NECAB3: variants seen among roughly 807,000 people sequenced by gnomAD.
The protein encoded by NECAB3 is N-terminal EF-hand calcium-binding protein 3.
In NECAB3, 38 loss-of-function variants were observed where a neutral mutation model predicts 57.2. The observed-to-expected ratio is 0.66, with a 90% CI of 0.51 to 0.87. NECAB3 has a LOEUF of 0.87. Among genes scored for constraint, NECAB3 ranks in the 40% least tolerant of loss-of-function variants. NECAB3 has a pLI of 0.00. For missense variants in NECAB3, 474 were observed against 527.5 expected, an observed-to-expected ratio of 0.90 and a Z score of 0.99; for synonymous variants, 223 against 222.6, an observed-to-expected ratio of 1.00 and a Z score of -0.02.
chr20:33,663,725 C>G (rs1320561787), intron 5 of NECAB3: 1 of 1,534,488 alleles, frequency 6.5e-7, no homozygotes, highest in Admixed American at 2.0e-5. Flanking sequence ...GCGCGGCGGC[C>G]GGAAGAGGGC....
chr20:33,673,701 G>A (rs1467040887), intron 1 of NECAB3, among the ~76,000 whole-genome samples: 1 of 152,126 alleles, frequency 6.6e-6, no homozygotes, highest in African/African-American at 2.4e-5. Flanking sequence ...CGAGCACAGC[G>A]GTGAACGGTG....
upstream of NECAB3, among the ~76,000 whole-genome samples, chr20:33,675,006 GC>G (rs1263876582): frequency 6.6e-6 from 1 of 151,824 alleles, no homozygotes; most frequent in Non-Finnish European, 1.5e-5. Flanking sequence ...TGACTCCTTG[GC>G]CCCTGAATAA....
chr20:33,663,574 CTGGCCAACGCTGGGCAACGGATTGA>C, intron 5 of NECAB3: 1 of 1,611,484 alleles, frequency 6.2e-7, no homozygotes, highest in Middle Eastern at 1.7e-4. Flanking sequence ...GCGGCAGCCG[CTGGCCAACGCTGGGCAACGGATTGA>C]CTACGCGTCC....
chr20:33,658,783 C>T lies in NECAB3; in HGVS notation c.931G>A (p.Asp311Asn), dbSNP rs1274097248. 19 of 1,613,416 alleles carry T rather than the reference C, an allele frequency of 1.2e-5. No individual in the cohort carries two copies. Among genetic ancestry groups the T allele is most frequent in the Non-Finnish European group, 1.4e-5 (17 of 1,179,990 alleles). Residue 311 changes from aspartate (D) to asparagine (N), a missense_variant, in exon 9 of 12, where the codon GAC becomes AAC. Transcript: ENST00000246190. ...TAGCAGCGCAGGGCTCGGTGGAAGT[C>T]CTGCAGGCCTTCCTCTGCCACCTGG... ...QVQVAEEGLQ[D>N]FHRALRCYVD...
intron 5 of NECAB3, chr20:33,667,925 T>TGGCCTTCCG: frequency 6.4e-7 from 1 of 1,563,138 alleles, no homozygotes; most frequent in Non-Finnish European, 8.7e-7. Context: ...CTGCCCGCGC[T>TGGCCTTCCG]GGCCTTCCGG....
rs945678432 is a variant in NECAB3 at position 33,663,971 on chromosome 20, G to C, written c.388-3576C>G. The C allele has an allele frequency of 1.3e-5, 13 of 1,039,232 alleles. No homozygotes were observed. In the African/African-American group the frequency reaches 2.2e-4, roughly 18 times the overall value. The allele number at this position is 1,039,232 out of a possible 1,614,324, so 64.4% of individuals were successfully genotyped here. A position where few individuals can be genotyped will look rare whatever the true frequency, so the allele number is the denominator to read the frequency against. On this transcript the variant is annotated intron_variant, in intron 5 of 11. Transcript: ENST00000246190. ...GCGGAGTCGGGGTGGGCAAAGCTCA[G>C]CCTAGGAGCCGCAGAGGGGTGAACG...
chr20:33,663,948 G>C, intron 5 of NECAB3: 1 of 1,268,062 alleles, frequency 7.9e-7, no homozygotes, highest in Non-Finnish European at 1.0e-6. Flanking sequence ...GTCTGGGCGC[G>C]GAGTCGGGGT....
upstream of NECAB3, chr20:33,675,280 A>G (rs189265155): frequency 1.3e-5 from 2 of 153,330 alleles, no homozygotes; most frequent in Admixed American, 1.3e-4. Flanking sequence ...TGAGAGCACC[A>G]TGAAAGGAGG....
chr20:33,669,746 G>A lies in NECAB3; in HGVS notation c.264-34C>T, dbSNP rs757860866. 1.7e-5 allele frequency: 26 copies of A among 1,561,416 alleles called. No homozygotes were observed. The South Asian group carries it at 3.0e-4, about 18-fold the overall frequency. On this transcript the variant is annotated intron_variant, in intron 3 of 11. Transcript: ENST00000246190. ...AAAAGAGAAGGCGCCCTTCAGACCT[G>A]GGCCTGGTAAACTGGGACTAATGGG...
chr20:33,669,429 A>C lies in NECAB3; in HGVS notation c.333T>G (p.Ala111=). Residue 111 remains alanine (A), a synonymous_variant, in exon 5 of 12, where the codon GCT becomes GCG. Transcript: ENST00000246190. ...CTGCACGGTTCAGCGATTCCAATGC[A>C]GCCAGCACCGGCCGGTAGACACCCA... ...EHLGVYRPVL[A]ALESLNRAVL... The C allele has an allele frequency of 6.2e-7, 1 of 1,613,762 alleles. No individual in the cohort carries two copies. Among genetic ancestry groups the C allele is most frequent in the East Asian group, 2.2e-5 (1 of 44,890 alleles).
chr20:33,663,480 T>C, intron 5 of NECAB3: 1 of 1,549,092 alleles, frequency 6.5e-7, no homozygotes, highest in Non-Finnish European at 8.7e-7. Context: ...CCCCGGGTCG[T>C]GGGCTCGGCC....
chr20:33,672,416 G>A lies in NECAB3; in HGVS notation c.136C>T (p.Arg46Cys), dbSNP rs368019358. ...CACTCACCATTCTTGTCTGCTCTGC[G>A]GAAAACCTAGAGGACAAAGGGACAT... ...AGHTLFQDVF[R>C]RADKNDDGKL... Residue 46 changes from arginine (R) to cysteine (C), a missense_variant, in exon 2 of 12, where the codon CGC (arginine) becomes TGC (cysteine). Arg to Cys is a radical substitution (Grantham distance 180). Coordinates refer to ENST00000246190, the MANE Select transcript of NECAB3 (RefSeq NM_031232.4). 1.5e-5 allele frequency: 24 copies of A among 1,614,010 alleles called. No individual in the cohort carries two copies. Among genetic ancestry groups the A allele is most frequent in the African/African-American group, 5.3e-5 (4 of 74,916 alleles).
Position 33,659,616 on chromosome 20 carries a change from G to A in NECAB3, c.760C>T (p.Pro254Ser). ...AVGPGPHKGG[P>S]SWYPPEPGPC... Reference sequence around the variant, plus strand: ...CCTGGCTCTGGTGGATACCAGGAGGGTCCTCCCTTGTGGGGCCCTGGCCCC... The same window carrying A: ...CCTGGCTCTGGTGGATACCAGGAGGATCCTCCCTTGTGGGGCCCTGGCCCC... Residue 254 changes from proline (P) to serine (S), a missense_variant, in exon 8 of 12, where the codon CCC becomes TCC. Pro to Ser is a moderately conservative substitution (Grantham distance 74). Transcript: ENST00000246190. The A allele has an allele frequency of 6.2e-7, 1 of 1,609,418 alleles. No homozygotes were observed. The highest frequency in any genetic ancestry group is 8.5e-7 in the Non-Finnish European group (1 of 1,178,616).
Position 33,659,987 on chromosome 20 carries a change from C to G in NECAB3, c.541G>C (p.Val181Leu). ...CCGCAGAGCCTGCTCTGCGCCTCCA[C>G]GCTCTCTGCATCTGACCTAGAGGAA... is the stretch of plus-strand genomic sequence containing the variant. Reference protein sequence around the residue: ...AHGWRSDAESVEAQSRLCGSR... With the variant: ...AHGWRSDAESLEAQSRLCGSR... Residue 181 changes from valine to leucine, a missense_variant, in exon 7 of 12, where the codon GTG (valine) becomes CTG (leucine). Physicochemically the swap from Val to Leu is conservative, Grantham distance 32. Transcript: ENST00000246190. 1.3e-6 allele frequency: 2 copies of G among 1,572,186 alleles called. No homozygotes were observed. Among genetic ancestry groups the G allele is most frequent in the Non-Finnish European group, 1.7e-6 (2 of 1,161,632 alleles).
chr20:33,667,566 C>T (rs2017703094), intron 5 of NECAB3: 5 of 1,554,198 alleles, frequency 3.2e-6, no homozygotes, highest in Non-Finnish European at 4.3e-6. Flanking sequence ...TGGAGGCGGG[C>T]GCGGGCGTGT....
intron 5 of NECAB3, chr20:33,666,405 A>T (rs1214432402): frequency 6.6e-6 from 1 of 152,374 alleles, no homozygotes; most frequent in Non-Finnish European, 1.5e-5. Context: ...TAAGGTAGGG[A>T]GCTGCGAAGT....
chr20:33,663,703 C>A (rs746862374), intron 5 of NECAB3: 2 of 1,545,586 alleles, frequency 1.3e-6, no homozygotes, highest in Non-Finnish European at 1.7e-6. Context: ...GCTGCTGCTG[C>A]GGCGGCAAGA....
intron 5 of NECAB3, chr20:33,667,739 A>G (rs756713261): frequency 6.2e-7 from 1 of 1,612,354 alleles, no homozygotes; most frequent in South Asian, 1.1e-5. Context: ...ACACATCTCA[A>G]GAAGCGCAGC....
chr20:33,670,622 G>T, intron 3 of NECAB3, 62 bp downstream of exon 3: 1 of 1,212,724 alleles, frequency 8.2e-7, no homozygotes, highest in Non-Finnish European at 1.2e-6. Flanking sequence ...AGGCAGCAGG[G>T]GACACAGTGG....
Sources: allele counts gnomAD v4.1 joint callset (sites outside exome capture counted in the v4.1 genomes callset), GRCh38; gene constraint gnomAD v4.1.1; transcripts MANE v1.5; gene names NCBI Gene and HGNC (gene_info 2026-07-23, HGNC 2026-07-21).